KCNG2: variants seen among roughly 807,000 people sequenced by gnomAD.
KCNG2 encodes potassium voltage-gated channel modifier subfamily G member 2.
A neutral mutation model predicts 12.3 loss-of-function variants in KCNG2; 7 were observed. The observed-to-expected ratio is 0.57, with a 90% confidence interval of 0.32 to 1.07. The LOEUF (loss-of-function observed/expected upper bound fraction) is 1.07. KCNG2 is among the 50% of genes least tolerant of loss of function. The probability of loss-of-function intolerance (pLI) is 0.04; values close to 1 mark genes in which losing one functional copy is unlikely to be tolerated. For synonymous variants in KCNG2, 414 were observed against 351.4 expected (o/e 1.18, Z -1.99); for missense variants, 703 against 726.0 (o/e 0.97, Z 0.36).
chr18:79,848,594 C>T (rs1330164749), intron 1 of KCNG2, among the ~76,000 whole-genome samples: 1 of 152,242 alleles, frequency 6.6e-6, no homozygotes, highest in Non-Finnish European at 1.5e-5. Context: ...AAGTCCGTCT[C>T]ACAGGTCCCG....
At chr18:79,867,798 C>T (rs1393537616) in intron 3 of KCNG2, among the ~76,000 whole-genome samples, 2 of 152,044 alleles carry the variant, frequency 1.3e-5, no homozygotes, top group Admixed American at 6.5e-5. Context: ...CCCTCGGCAC[C>T]GGCCTCCCTG....
chr18:79,812,108 T>C (rs1599365584), intron 1 of KCNG2, among the ~76,000 whole-genome samples: 1 of 152,084 alleles, frequency 6.6e-6, no homozygotes, highest in East Asian at 1.9e-4. Flanking sequence ...GATCTACAGA[T>C]TCAGGAAGCA....
chr18:79,815,451 A>G (rs2087522148), intron 1 of KCNG2, among the ~76,000 whole-genome samples: 1 of 151,978 alleles, frequency 6.6e-6, no homozygotes, highest in African/African-American at 2.4e-5. Context: ...CAAAAAAAAA[A>G]AAAAAAAAAA....
At chr18:79,887,788 C>T (rs1980584338) in intron 3 of KCNG2, among the ~76,000 whole-genome samples, 1 of 152,320 alleles carries the variant, frequency 6.6e-6, no homozygotes, top group African/African-American at 2.4e-5. Context: ...CGGGGGGTGG[C>T]TCCCCCACTT....
At chr18:79,817,980 A>G (rs1020196364) in intron 1 of KCNG2, among the ~76,000 whole-genome samples, 5 of 152,096 alleles carry the variant, frequency 3.3e-5, no homozygotes, top group African/African-American at 9.7e-5. Context: ...ACCCTACTGG[A>G]CCTGCCACCC....
intron 1 of KCNG2, among the ~76,000 whole-genome samples, chr18:79,825,517 G>A (rs1216989654): frequency 6.6e-6 from 1 of 152,192 alleles, no homozygotes; most frequent in East Asian, 1.9e-4. Context: ...ATAAAAAATA[G>A]CTTTAACGCC....
intron 3 of KCNG2, among the ~76,000 whole-genome samples, chr18:79,867,546 G>A (rs1374001267): frequency 8.6e-6 from 1 of 116,640 alleles, no homozygotes; most frequent in African/African-American, 3.2e-5. Context: ...CCGTGAGCTC[G>A]TCGTGTGTCG....
intron 3 of KCNG2, among the ~76,000 whole-genome samples, chr18:79,874,068 A>C (rs895218140): frequency 2.0e-5 from 3 of 152,244 alleles, no homozygotes; most frequent in Non-Finnish European, 4.4e-5. Context: ...TCAAGAGGCC[A>C]GGCAGGCGCT....
At chr18:79,838,650 A>G (rs1978372416) in intron 1 of KCNG2, among the ~76,000 whole-genome samples, 1 of 152,092 alleles carries the variant, frequency 6.6e-6, no homozygotes, top group South Asian at 2.1e-4. Context: ...GGCTCAAGTG[A>G]TCCTCCCACC....
intron 1 of KCNG2, among the ~76,000 whole-genome samples, chr18:79,842,934 A>C (rs1345826431): frequency 6.6e-6 from 1 of 152,210 alleles, no homozygotes; most frequent in Admixed American, 6.5e-5. Flanking sequence ...AAGAAAGCTT[A>C]TTTAAAGAAA....
intron 2 of KCNG2, among the ~76,000 whole-genome samples, chr18:79,862,698 G>A (rs1025201209): frequency 3.9e-5 from 6 of 152,346 alleles, no homozygotes; most frequent in Non-Finnish European, 4.4e-5. Flanking sequence ...TTTAGCCTGT[G>A]GCGGCAACCA....
chr18:79,817,012 C>T lies in KCNG2; in HGVS notation c.-115+18998C>T, dbSNP rs1318559060. 5.3e-5 allele frequency among the ~76,000 whole-genome samples: 8 copies of T among 151,114 alleles called. 1 individual carries two copies. In the East Asian group the frequency reaches 1.6e-3, roughly 30 times the overall value. On this transcript the variant is annotated intron_variant, in intron 1 of 3. Coordinates refer to ENST00000316249, the MANE Select transcript of KCNG2 (RefSeq NM_012283.2). The stretch of plus-strand genomic sequence containing the variant: ...TGCCTGTCACATGGTTGTCACACGG[C>T]TGCCACACGGTTGTCACGCAGCTGC...
intron 3 of KCNG2, among the ~76,000 whole-genome samples, chr18:79,892,731 T>G (rs1343742679): frequency 6.6e-6 from 1 of 152,026 alleles, no homozygotes; most frequent in Non-Finnish European, 1.5e-5. Context: ...TATAGTTGGG[T>G]CTGTGTCTGC....
chr18:79,851,773 A>C (rs1978832009), intron 1 of KCNG2, among the ~76,000 whole-genome samples: 1 of 133,794 alleles, frequency 7.5e-6, no homozygotes, highest in Admixed American at 7.6e-5. Context: ...GTGACTGTGA[A>C]TGCGTGTGTG....
intron 3 of KCNG2, among the ~76,000 whole-genome samples, chr18:79,874,720 G>A (rs534655215): frequency 6.6e-6 from 1 of 152,346 alleles, no homozygotes; most frequent in Admixed American, 6.5e-5. Flanking sequence ...CAAGGTGGAA[G>A]CTGGTGCATC....
At chr18:79,875,102 G>C (rs746088168) in intron 3 of KCNG2, among the ~76,000 whole-genome samples, 26 of 152,180 alleles carry the variant, frequency 1.7e-4, no homozygotes, top group Non-Finnish European at 3.7e-4. Flanking sequence ...CTCTTCGCCA[G>C]GGTGGGTCAT....
chr18:79,801,401 T>C (rs2087408809), intron 1 of KCNG2, among the ~76,000 whole-genome samples: 1 of 152,168 alleles, frequency 6.6e-6, no homozygotes, highest in Non-Finnish European at 1.5e-5. Flanking sequence ...CAGGTCCAGG[T>C]CCTCCATCCC....
chr18:79,899,271 G>C lies in KCNG2; in HGVS notation c.856G>C (p.Val286Leu), dbSNP rs755871360. Reference sequence around the variant, plus strand: ...CAAGCTCCTGGAGCGCGCGGGGCTGGTGCTGCGGCTGCTGCGTGCGCTGCG... The same window carrying C: ...CAAGCTCCTGGAGCGCGCGGGGCTGCTGCTGCGGCTGCTGCGTGCGCTGCG... ...GTKLLERAGLVLRLLRALRVL... is the reference protein window; with the variant it reads ...GTKLLERAGLLLRLLRALRVL... Residue 286 changes from valine (V) to leucine (L), a missense_variant, in exon 4 of 4, where the codon GTG becomes CTG. By Grantham distance (32) the Val-to-Leu change is conservative (BLOSUM62 1). Transcript: ENST00000316249. 10 of 1,582,382 alleles carry C rather than the reference G, an allele frequency of 6.3e-6. No homozygotes were observed. In the Admixed American group the frequency reaches 1.4e-4, roughly 22 times the overall value.
At chr18:79,844,002 G>A (rs1978543366) in intron 1 of KCNG2, among the ~76,000 whole-genome samples, 1 of 152,158 alleles carries the variant, frequency 6.6e-6, no homozygotes, top group African/African-American at 2.4e-5. Context: ...TAGCTTTAAG[G>A]ATATACATAG....
Sources: allele counts gnomAD v4.1 joint callset (sites outside exome capture counted in the v4.1 genomes callset), GRCh38; gene constraint gnomAD v4.1.1; transcripts MANE v1.5; gene names NCBI Gene and HGNC (gene_info 2026-07-23, HGNC 2026-07-21).